Variants in WIPF3 observed in about 807,000 individuals in gnomAD.
WIPF3 encodes the protein WAS/WASL interacting protein family member 3.
In WIPF3, 33 loss-of-function variants were observed where a neutral mutation model predicts 38.9. The ratio of observed to expected loss-of-function variants is 0.85; its 90% CI spans 0.64 to 1.14. WIPF3 has a LOEUF of 1.14. Ranked by LOEUF, WIPF3 falls within the 50% of genes most tolerant of loss-of-function variation. The pLI, the probability that WIPF3 is intolerant of heterozygous loss-of-function variation, is 0.00. For missense variants in WIPF3, 711 were observed against 652.5 expected (o/e 1.09, Z -0.98); for synonymous variants, 324 against 269.3 (o/e 1.20, Z -1.99).
chr7:29,875,802 T>C (rs762678869), intron 2 of WIPF3, 28 bp from the exon 3 acceptor site: 4 of 1,605,012 alleles, frequency 2.5e-6, no homozygotes, highest in Non-Finnish European at 3.4e-6. Context: ...AATGCTACTA[T>C]AGTCAAATCC....
At chr7:29,884,759 C>T (rs1236201020) in intron 5 of WIPF3, among the ~76,000 whole-genome samples, 166 bp downstream of exon 5, 1 of 152,236 alleles carries the variant, frequency 6.6e-6, no homozygotes, top group Non-Finnish European at 1.5e-5. Flanking sequence ...GGGATCCCGG[C>T]CTTGATCCCC....
At position 29,915,840 on chromosome 7, in the gene WIPF3, A is replaced by G. The variant is rs1786604308; in HGVS notation, c.*1324A>G. The G allele has an allele frequency of 6.6e-6, 1 of 152,322 alleles. No homozygotes were observed. The highest frequency in any genetic ancestry group is 2.1e-4 in the South Asian group (1 of 4,828). The allele number at this position is 152,322 out of a possible 1,614,324, so 9.4% of individuals were successfully genotyped here. On this transcript the variant is annotated 3_prime_UTR_variant, in exon 9 of 9. Coordinates refer to ENST00000242140, the MANE Select transcript of WIPF3 (RefSeq NM_001080529.3). ...CTGATCCCTGGGCTGTGCTCAAAAT[A>G]GCTGCCCTTTAAAGGAAATCAGGCA...
chr7:29,827,251 G>C (rs1273977008), intron 1 of WIPF3, among the ~76,000 whole-genome samples: 1 of 152,064 alleles, frequency 6.6e-6, no homozygotes, highest in Non-Finnish European at 1.5e-5. Context: ...AGAAGAGTGA[G>C]AGCAGCAACT....
chr7:29,830,191 G>A (rs1176766438), intron 1 of WIPF3, among the ~76,000 whole-genome samples: 1 of 151,496 alleles, frequency 6.6e-6, no homozygotes, highest in Non-Finnish European at 1.5e-5. Flanking sequence ...TGTGACTTCA[G>A]CGAGGCAGCA....
At chr7:29,816,258 C>G (rs1784456516) in intron 1 of WIPF3, among the ~76,000 whole-genome samples, 1 of 152,092 alleles carries the variant, frequency 6.6e-6, no homozygotes, top group South Asian at 2.1e-4. Context: ...CTCAGACCAC[C>G]TAGTTATGCA....
At position 29,811,308 on chromosome 7, in the gene WIPF3, ATTGT is replaced by A. The variant is rs536458241; in HGVS notation, c.-58+4634_-58+4637del. ...TGATGATGATCTGATGCTTTTAAAAATTGTTTGCCTTAAATGTTCCGTGTTCCAT... is the reference window on the plus strand; with the variant it reads ...TGATGATGATCTGATGCTTTTAAAAATTGCCTTAAATGTTCCGTGTTCCAT... On this transcript the variant is annotated intron_variant, in intron 1 of 8. Coordinates refer to ENST00000242140, the MANE Select transcript of WIPF3 (RefSeq NM_001080529.3). Among the ~76,000 whole-genome samples the A allele has an allele frequency of 3.2e-4, 48 of 152,156 alleles. No individual in the cohort carries two copies. The Middle Eastern group carries it at 0.01, about 32-fold the overall frequency.
intron 8 of WIPF3, among the ~76,000 whole-genome samples, chr7:29,909,235 G>A (rs1786459717): frequency 6.6e-6 from 1 of 151,820 alleles, no homozygotes; most frequent in Admixed American, 6.6e-5. Flanking sequence ...ACAATGTAAA[G>A]AGCTAGAAAA....
intron 7 of WIPF3, among the ~76,000 whole-genome samples, chr7:29,896,117 G>A (rs1786138137): frequency 6.6e-6 from 1 of 152,108 alleles, no homozygotes; most frequent in South Asian, 2.1e-4. Flanking sequence ...TGGCAGCCAG[G>A]GCAACATAGC....
Position 29,875,886 on chromosome 7 carries a change from G to A in WIPF3, c.147G>A (p.Leu49=), listed in dbSNP as rs1223163315. The change falls in exon 3 of 9, where the codon CTG becomes CTA. Residue 49 remains leucine, a synonymous_variant. Transcript: ENST00000242140. Reference sequence around the variant, plus strand: ...CAGATCCGAAAGGCCGGAGTGCGCTGTTGGCTGATATCCAGCAAGGAACTC... The same window carrying A: ...CAGATCCGAAAGGCCGGAGTGCGCTATTGGCTGATATCCAGCAAGGAACTC... ...RRADPKGRSA[L]LADIQQGTRL... 1.2e-6 allele frequency: 2 copies of A among 1,614,096 alleles called. No homozygotes were observed. Among genetic ancestry groups the A allele is most frequent in the East Asian group, 2.2e-5 (1 of 44,884 alleles).
intron 1 of WIPF3, among the ~76,000 whole-genome samples, chr7:29,807,768 T>A (rs1784306351): frequency 6.6e-6 from 1 of 152,194 alleles, no homozygotes; most frequent in Admixed American, 6.5e-5. Flanking sequence ...TTAGGCTGTC[T>A]CTTCGCCTCT....
intron 5 of WIPF3, 146 bp downstream of exon 5, chr7:29,884,739 A>G (rs1196907354): frequency 7.8e-7 from 1 of 1,288,952 alleles, no homozygotes; most frequent in Non-Finnish European, 1.0e-6. Context: ...ATCATGCTGC[A>G]TGTAAGCAAG....
chr7:29,858,805 G>A (rs1320765937), intron 2 of WIPF3, among the ~76,000 whole-genome samples: 1 of 152,128 alleles, frequency 6.6e-6, no homozygotes, highest in African/African-American at 2.4e-5. Context: ...ATTAAGGAGG[G>A]TATGTTGTAT....
At chr7:29,857,594 A>G (rs568303820) in intron 2 of WIPF3, among the ~76,000 whole-genome samples, 3 of 152,116 alleles carry the variant, frequency 2.0e-5, no homozygotes, top group East Asian at 3.9e-4. Flanking sequence ...TCTGCTTCCT[A>G]TGGCCCAGCT....
intron 8 of WIPF3, among the ~76,000 whole-genome samples, chr7:29,909,571 A>T (rs1786465012): frequency 6.6e-6 from 1 of 152,194 alleles, no homozygotes; most frequent in Non-Finnish European, 1.5e-5. Flanking sequence ...ATTTCTAAAA[A>T]CACAAAACCT....
At chr7:29,885,206 ATGCAGCACAGG>A (rs1205096917) in intron 5 of WIPF3, among the ~76,000 whole-genome samples, 6 of 152,200 alleles carry the variant, frequency 3.9e-5, no homozygotes, top group African/African-American at 1.4e-4. Flanking sequence ...TCCTTCACAT[ATGCAGCACAGG>A]TTATTTGAAT....
chr7:29,812,996 C>A (rs1784402891), intron 1 of WIPF3, among the ~76,000 whole-genome samples: 1 of 152,318 alleles, frequency 6.6e-6, no homozygotes, highest in South Asian at 2.1e-4. Context: ...GCCAAAAGCA[C>A]CTCAAACTCA....
At chr7:29,812,544 T>C (rs1784396437) in intron 1 of WIPF3, among the ~76,000 whole-genome samples, 1 of 152,244 alleles carries the variant, frequency 6.6e-6, no homozygotes, top group Non-Finnish European at 1.5e-5. Context: ...AAGGAATTAA[T>C]GTCCTTCTAT....
chr7:29,830,228 G>A (rs2128064602), intron 1 of WIPF3, among the ~76,000 whole-genome samples: 1 of 147,860 alleles, frequency 6.8e-6, no homozygotes, highest in East Asian at 2.0e-4. Flanking sequence ...GCATTCCCAG[G>A]TTCCTAAAGA....
At chr7:29,862,397 G>C (rs907109588) in intron 2 of WIPF3, among the ~76,000 whole-genome samples, 3 of 152,184 alleles carry the variant, frequency 2.0e-5, no homozygotes, top group African/African-American at 7.2e-5. Context: ...TAAAAGGTCA[G>C]TAAGACATGG....
Sources: gnomAD v4.1 joint callset for allele counts (sites outside exome capture counted in the v4.1 genomes callset) on GRCh38, gnomAD v4.1.1 for gene constraint, MANE v1.5 for transcripts, NCBI Gene and HGNC (gene_info 2026-07-23, HGNC 2026-07-21) for gene names.